CSNK1G1: variants seen among roughly 807,000 people sequenced by gnomAD.
The protein encoded by CSNK1G1 is casein kinase I isoform gamma-1.
In CSNK1G1, 22 loss-of-function variants were observed where a neutral mutation model predicts 59.6. The observed-to-expected ratio is 0.37, with a 90% confidence interval of 0.26 to 0.53. The LOEUF is 0.53. Ranked by LOEUF, CSNK1G1 falls within the 20% of genes least tolerant of loss-of-function variation. The pLI, the probability that CSNK1G1 is intolerant of heterozygous loss-of-function variation, is 0.89. For synonymous variants in CSNK1G1, 179 were observed against 177.1 expected, an observed-to-expected ratio of 1.01 and a Z score of -0.08; for missense variants, 384 against 519.5, an observed-to-expected ratio of 0.74 and a Z score of 2.54.
At chr15:64,260,075 C>A (rs990962715) in intron 2 of CSNK1G1, among the ~76,000 whole-genome samples, 1 of 152,146 alleles carries the variant, frequency 6.6e-6, no homozygotes, top group African/African-American at 2.4e-5. Context: ...TCCTTGGAAG[C>A]CTTAACTTTA....
intron 1 of CSNK1G1, among the ~76,000 whole-genome samples, chr15:64,336,202 G>C (rs1897381846): frequency 6.6e-6 from 1 of 152,086 alleles, no homozygotes; most frequent in South Asian, 2.1e-4. Flanking sequence ...TGAATTGACT[G>C]TTTTCAAGTA....
intron 1 of CSNK1G1, among the ~76,000 whole-genome samples, chr15:64,353,793 G>A (rs563111758): frequency 2.1e-4 from 32 of 152,078 alleles, no homozygotes; most frequent in African/African-American, 7.7e-4. Context: ...TTGCCCCAGT[G>A]CATTCATTCT....
intron 2 of CSNK1G1, among the ~76,000 whole-genome samples, chr15:64,275,759 T>A (rs1424322658): frequency 1.3e-5 from 2 of 152,088 alleles, no homozygotes; most frequent in Admixed American, 1.3e-4. Flanking sequence ...AAAGAAAAAA[T>A]ATATAAAATA....
chr15:64,271,837 T>C (rs945885615), intron 2 of CSNK1G1, among the ~76,000 whole-genome samples: 14 of 152,166 alleles, frequency 9.2e-5, no homozygotes, highest in African/African-American at 3.1e-4. Flanking sequence ...GCCTCAATCA[T>C]CTGTTTGATA....
intron 10 of CSNK1G1, among the ~76,000 whole-genome samples, chr15:64,194,858 A>G (rs987874996): frequency 6.6e-6 from 1 of 152,122 alleles, no homozygotes; most frequent in African/African-American, 2.4e-5. Context: ...ATTCCCTTAC[A>G]GTCTAGATAC....
chr15:64,249,491 G>A (rs1891954462), intron 4 of CSNK1G1, among the ~76,000 whole-genome samples: 1 of 152,138 alleles, frequency 6.6e-6, no homozygotes, highest in Non-Finnish European at 1.5e-5. Flanking sequence ...CTGCATATAG[G>A]ACCTAGAAGG....
At chr15:64,257,202 G>A (rs185352637) in intron 3 of CSNK1G1, among the ~76,000 whole-genome samples, 2 of 151,510 alleles carry the variant, frequency 1.3e-5, no homozygotes, top group Admixed American at 6.6e-5. Flanking sequence ...CAGAATAAAA[G>A]TTTTTAAAAA....
chr15:64,272,262 C>A (rs1893354626), intron 2 of CSNK1G1, among the ~76,000 whole-genome samples: 1 of 151,604 alleles, frequency 6.6e-6, no homozygotes, highest in Non-Finnish European at 1.5e-5. Flanking sequence ...GTCGCCCAGG[C>A]TGGAGTGCAG....
intron 4 of CSNK1G1, among the ~76,000 whole-genome samples, chr15:64,248,476 A>C (rs1891878616): frequency 6.6e-6 from 1 of 152,150 alleles, no homozygotes; most frequent in Non-Finnish European, 1.5e-5. Flanking sequence ...ATGACATCAC[A>C]CCAGGCCTTA....
At position 64,192,840 on chromosome 15, in the gene CSNK1G1, T is replaced by TTA. The variant is rs2081989837; in HGVS notation, c.1107+10241_1107+10242insTA. Reference sequence around the variant, plus strand: ...CCTGAGTGACAGAGTGAGATCTGCCTAAAAAAAAAAAAAAAAAAAAAAAAA... The same window carrying TTA: ...CCTGAGTGACAGAGTGAGATCTGCCTTAAAAAAAAAAAAAAAAAAAAAAAAAA... On this transcript the variant is annotated intron_variant, in intron 10 of 11. Coordinates refer to ENST00000303052, the MANE Select transcript of CSNK1G1 (RefSeq NM_022048.5). 1.2e-4 allele frequency among the ~76,000 whole-genome samples: 4 copies of TTA among 32,206 alleles called. No homozygotes were observed. In the East Asian group the frequency reaches 3.4e-3, roughly 27 times the overall value. 21.1% of individuals were successfully genotyped at this position (32,206 alleles called of 152,430 possible). A position where few individuals can be genotyped will look rare whatever the true frequency, so the allele number is the denominator to read the frequency against.
intron 2 of CSNK1G1, among the ~76,000 whole-genome samples, chr15:64,271,379 C>T (rs1287783574): frequency 6.6e-6 from 1 of 152,046 alleles, no homozygotes; most frequent in South Asian, 2.1e-4. Context: ...CCTCCGCCTC[C>T]CCAAGACGCA....
At chr15:64,265,409 G>C (rs1324367791) in intron 2 of CSNK1G1, among the ~76,000 whole-genome samples, 1 of 152,120 alleles carries the variant, frequency 6.6e-6, no homozygotes, top group Admixed American at 6.6e-5. Flanking sequence ...TCTCATGATA[G>C]TGAATAAGTC....
intron 1 of CSNK1G1, among the ~76,000 whole-genome samples, chr15:64,323,896 T>C (rs994349531): frequency 1.3e-5 from 2 of 152,216 alleles, no homozygotes; most frequent in East Asian, 1.9e-4. Flanking sequence ...TGTCACATTG[T>C]AGAACAGTAA....
At chr15:64,355,439 GGAA>G (rs1352519975) in intron 1 of CSNK1G1, among the ~76,000 whole-genome samples, 1 of 152,206 alleles carries the variant, frequency 6.6e-6, no homozygotes, top group African/African-American at 2.4e-5. Context: ...AAACAGTAAA[GGAA>G]GAAGTGGGGG....
intron 2 of CSNK1G1, among the ~76,000 whole-genome samples, chr15:64,278,050 T>A (rs1030755247): frequency 1.3e-5 from 2 of 149,088 alleles, no homozygotes; most frequent in Non-Finnish European, 3.0e-5. Flanking sequence ...TCTATTAAAA[T>A]ATATATATTT....
At chr15:64,277,874 A>AATATTGATATATTTAATATATTG (rs1596205963) in intron 2 of CSNK1G1, among the ~76,000 whole-genome samples, 3 of 138,764 alleles carry the variant, frequency 2.2e-5, no homozygotes, top group Non-Finnish European at 4.5e-5. Context: ...ATTTAATAAT[A>AATATTGATATATTTAATATATTG]ATATTGATAT....
intron 1 of CSNK1G1, among the ~76,000 whole-genome samples, chr15:64,308,721 C>T (rs1407045408): frequency 2.6e-5 from 4 of 151,910 alleles, no homozygotes; most frequent in African/African-American, 9.7e-5. Flanking sequence ...ACGGTGAAAC[C>T]CCATCTCTAC....
intron 1 of CSNK1G1, among the ~76,000 whole-genome samples, chr15:64,312,852 T>C (rs1176628940): frequency 4.6e-5 from 7 of 152,008 alleles, no homozygotes; most frequent in Non-Finnish European, 1.0e-4. Flanking sequence ...TTGCAATCTA[T>C]CCATCTGACA....
chr15:64,308,881 AG>A (rs1240887777), intron 1 of CSNK1G1, among the ~76,000 whole-genome samples: 2 of 131,870 alleles, frequency 1.5e-5, no homozygotes, highest in African/African-American at 5.4e-5. Flanking sequence ...TGGGCGACAG[AG>A]TGAGACTCTG....
Sources: gnomAD v4.1 joint callset for allele counts (sites outside exome capture counted in the v4.1 genomes callset) on GRCh38, gnomAD v4.1.1 for gene constraint, MANE v1.5 for transcripts, NCBI Gene and HGNC (gene_info 2026-07-23, HGNC 2026-07-21) for gene names.